The following TENM3 variants were observed in gnomAD, a reference collection of about 807,000 sequenced individuals.
The protein encoded by TENM3 is teneurin transmembrane protein 3.
Under a neutral mutation model 255.1 loss-of-function variants are expected in TENM3, and 63 were observed. That is an observed-to-expected ratio of 0.25 (90% confidence interval 0.20 to 0.30). The LOEUF is 0.30. TENM3 is among the 10% of genes least tolerant of loss of function. The pLI is 1.00. For synonymous variants in TENM3, 1,306 were observed against 1,322.3 expected (o/e 0.99, Z 0.27); for missense variants, 2,929 against 3,461.1 (o/e 0.85, Z 3.86).
intron 1 of TENM3, among the ~76,000 whole-genome samples, chr4:182,317,560 G>C (rs1434590748): frequency 6.6e-6 from 1 of 151,846 alleles, no homozygotes; most frequent in African/African-American, 2.4e-5. Flanking sequence ...TTCCTGCTTT[G>C]GCCTCCCAAA....
chr4:182,675,781 G>A (rs1755618999), intron 7 of TENM3, among the ~76,000 whole-genome samples: 1 of 152,148 alleles, frequency 6.6e-6, no homozygotes, highest in Non-Finnish European at 1.5e-5. Context: ...TGTCTATTGT[G>A]TTGTGTACTT....
chr4:182,678,977 C>T (rs992990643), intron 7 of TENM3, among the ~76,000 whole-genome samples: 18 of 152,112 alleles, frequency 1.2e-4, no homozygotes, highest in East Asian at 5.8e-4. Flanking sequence ...AACCAAACGC[C>T]GCATGTTCTC....
the TENM3 span, among the ~76,000 whole-genome samples, chr4:181,825,609 A>G: frequency 3.3e-5 from 5 of 152,276 alleles, no homozygotes; most frequent in South Asian, 1.0e-3. Flanking sequence ...GATATTTGGT[A>G]AACTTCAGAA....
At chr4:182,101,104 G>GAGGAAGGAAGGA in the TENM3 span, among the ~76,000 whole-genome samples, 1 of 11,682 alleles carries the variant, frequency 8.6e-5, no homozygotes, top group Non-Finnish European at 1.9e-4. Flanking sequence ...GGGAGGGAGG[G>GAGGAAGGAAGGA]AGGAAGGAAA....
chr4:181,632,858 A>G, the TENM3 span, among the ~76,000 whole-genome samples: 1 of 152,162 alleles, frequency 6.6e-6, no homozygotes. Context: ...GAAATCTCAA[A>G]CCAAACGAAA....
intron 24 of TENM3, among the ~76,000 whole-genome samples, chr4:182,785,738 C>T (rs1052891244): frequency 2.4e-4 from 34 of 139,356 alleles, no homozygotes; most frequent in African/African-American, 8.5e-4. Context: ...AAAAAAGCCA[C>T]TGAAGCCTGG....
Position 182,793,691 on chromosome 4 carries a change from G to A in TENM3, c.7019G>A (p.Gly2340Asp), listed in dbSNP as rs1300191593. 1 of 1,613,866 alleles carries A rather than the reference G, an allele frequency of 6.2e-7. No homozygotes were observed. The highest frequency in any genetic ancestry group is 8.5e-7 in the Non-Finnish European group (1 of 1,179,876). ...TTTCAACTGGTAATTGGATTTCATG[G>A]TGGCCTGTATGACCCACTCACCAAA... ...IDFQLVIGFH[G>D]GLYDPLTKLI... The change falls in exon 26 of 28, where the codon GGT (glycine) becomes GAT (aspartate). Residue 2340 changes from glycine to aspartate, a missense_variant. Gly to Asp is a moderately conservative substitution (Grantham distance 94). Around this residue, in one of 6 missense-constraint regions of TENM3, gnomAD observed 256 missense variants for 389.3 expected, o/e 0.66. Coordinates refer to ENST00000511685, the MANE Select transcript of TENM3 (RefSeq NM_001080477.4). This position sits in a 1 kb window ranked among gnomAD's most constrained non-coding sequence, Gnocchi z 5.7.
chr4:182,280,192 G>A (rs1358223747), intron 1 of TENM3, among the ~76,000 whole-genome samples: 5 of 152,162 alleles, frequency 3.3e-5, no homozygotes, highest in African/African-American at 7.2e-5. Flanking sequence ...TTGGCCGCTC[G>A]ACTTTAGTGA....
the TENM3 span, among the ~76,000 whole-genome samples, chr4:181,846,639 T>A: frequency 6.6e-6 from 1 of 152,236 alleles, no homozygotes; most frequent in East Asian, 1.9e-4. Flanking sequence ...CAATTCATTT[T>A]TTTCTTTATT....
intron 26 of TENM3, among the ~76,000 whole-genome samples, chr4:182,795,555 A>G (rs1336410189): frequency 6.6e-6 from 1 of 152,208 alleles, no homozygotes; most frequent in Non-Finnish European, 1.5e-5. Flanking sequence ...GCCTGGACGA[A>G]TGACCTGCCA....
At chr4:182,388,143 T>G (rs1189775953) in intron 3 of TENM3, among the ~76,000 whole-genome samples, 1 of 152,150 alleles carries the variant, frequency 6.6e-6, no homozygotes, top group Non-Finnish European at 1.5e-5. Context: ...CTTTCTTTTC[T>G]CTGTAGCTGC....
At chr4:182,517,323 T>C (rs1226880396) in intron 3 of TENM3, among the ~76,000 whole-genome samples, 2 of 151,768 alleles carry the variant, frequency 1.3e-5, no homozygotes, top group Non-Finnish European at 2.9e-5. Flanking sequence ...TTCAGCAGGC[T>C]CTTCGGCCTC....
chr4:182,645,370 T>G (rs1429633436), intron 5 of TENM3, among the ~76,000 whole-genome samples: 1 of 152,086 alleles, frequency 6.6e-6, no homozygotes, highest in Non-Finnish European at 1.5e-5. Flanking sequence ...AAGTTGATAT[T>G]ATAAAAGTGG....
At chr4:181,946,634 C>T in the TENM3 span, among the ~76,000 whole-genome samples, 77 of 152,118 alleles carry the variant, frequency 5.1e-4, no homozygotes, top group Non-Finnish European at 1.0e-3. Flanking sequence ...TTTATATCTC[C>T]CCTAGGTCCT....
At position 182,161,863 on chromosome 4, in the gene TENM3, GTA is replaced by G. The variant is rs1182562428; in HGVS notation, c.-76+17115_-76+17116del. On this transcript the variant is annotated intron_variant, in intron 1 of 2. Transcript: ENST00000512480. ...TGTATATATACACAAATATATATGT[GTA>G]TATATGTGTATATATATACACACAT... Among the ~76,000 whole-genome samples, 65 of 15,788 alleles carry G rather than the reference GTA, an allele frequency of 4.1e-3. 12 individuals are homozygous for G. The highest frequency in any genetic ancestry group is 0.029 in the Middle Eastern group (1 of 34). The allele number at this position is 15,788 out of a possible 152,430, so 10.4% of individuals were successfully genotyped here. A position where few individuals can be genotyped will look rare whatever the true frequency, so the allele number is the denominator to read the frequency against.
chr4:181,811,561 G>A, the TENM3 span, among the ~76,000 whole-genome samples: 52,804 of 152,130 alleles, frequency 0.35, 9,536 homozygotes, highest in Middle Eastern at 0.43. Flanking sequence ...GGTAATTTAT[G>A]AAGGAAAGAG....
At chr4:181,630,066 G>A in the TENM3 span, among the ~76,000 whole-genome samples, 1 of 152,194 alleles carries the variant, frequency 6.6e-6, no homozygotes, top group Admixed American at 6.5e-5. Context: ...TTAGTCTTTG[G>A]AGGGTGTATG....
chr4:182,583,029 G>A (rs568499018), intron 3 of TENM3, among the ~76,000 whole-genome samples: 1 of 152,312 alleles, frequency 6.6e-6, no homozygotes, highest in South Asian at 2.1e-4. Flanking sequence ...GGATAAGAAT[G>A]TCGATCTTAA....
chr4:181,509,264 G>A, the TENM3 span, among the ~76,000 whole-genome samples: 342 of 152,160 alleles, frequency 2.2e-3, 2 homozygotes, highest in African/African-American at 7.3e-3. Flanking sequence ...AGGGAATGTG[G>A]GTGAATTATC....
Sources: allele counts gnomAD v4.1 joint callset (sites outside exome capture counted in the v4.1 genomes callset), GRCh38; gene constraint gnomAD v4.1.1; regional missense constraint gnomAD v4.1.1; non-coding constraint Gnocchi (gnomAD v3.1); transcripts MANE v1.5; gene names NCBI Gene and HGNC (gene_info 2026-07-23, HGNC 2026-07-21).